TMEM47: variants seen among roughly 807,000 people sequenced by gnomAD.
The protein encoded by TMEM47 is transmembrane protein 47.
A neutral mutation model predicts 12.4 loss-of-function variants in TMEM47; 3 were observed. That is an observed-to-expected ratio of 0.24 (90% CI 0.11 to 0.63). The LOEUF is 0.63. TMEM47 is among the 20% of genes least tolerant of loss of function. The pLI, the probability that TMEM47 is intolerant of heterozygous loss-of-function variation, is 0.86. For synonymous variants in TMEM47, 62 were observed against 63.3 expected (o/e 0.98, Z 0.10); for missense variants, 89 against 143.8 (o/e 0.62, Z 1.95).
In TMEM47 at chrX:34,630,160, G is replaced by T; in HGVS notation, c.*153C>A. 2.0e-6 allele frequency: 1 copy of T among 495,664 alleles called. No homozygotes were observed. The highest frequency in any genetic ancestry group is 3.2e-6 in the Non-Finnish European group (1 of 311,501). 40.8% of individuals were successfully genotyped at this position (495,664 alleles called of 1,213,427 possible). A position where few individuals can be genotyped will look rare whatever the true frequency, so the allele number is the denominator to read the frequency against. On this transcript the variant is annotated 3_prime_UTR_variant, in exon 3 of 3. Coordinates refer to ENST00000275954, the MANE Select transcript of TMEM47 (RefSeq NM_031442.4). ...TAAAATGGATGTAAAAGCTGGTTAT[G>T]ATGTTGACAGCCAAAAGGCAAAAAA...
At chrX:34,641,982 G>A (rs1352054896) in intron 1 of TMEM47, among the ~76,000 whole-genome samples, 3 of 112,381 alleles carry the variant, frequency 2.7e-5, no homozygotes, top group African/African-American at 9.7e-5. Context: ...TCAGCCTCTC[G>A]AGTAGCAGGG....
Position 34,627,698 on chromosome X carries a change from T to G in TMEM47, c.*2615A>C, listed in dbSNP as rs959283500. On this transcript the variant is annotated 3_prime_UTR_variant, in exon 3 of 3. Transcript: ENST00000275954. Reference sequence around the variant, plus strand: ...GTATATATATGTGTGTATATCTATATCTATAGATGTAGATCTATATCCATA... The same window carrying G: ...GTATATATATGTGTGTATATCTATAGCTATAGATGTAGATCTATATCCATA... 15 of 112,232 alleles carry G rather than the reference T, an allele frequency of 1.3e-4. No individual in the cohort carries two copies. Among genetic ancestry groups the G allele is most frequent in the African/African-American group, 4.2e-4 (13 of 30,860 alleles). 9.2% of individuals were successfully genotyped at this position (112,232 alleles called of 1,213,427 possible). A position where few individuals can be genotyped will look rare whatever the true frequency, so the allele number is the denominator to read the frequency against.
chrX:34,640,852 T>A (rs532021790), intron 1 of TMEM47, among the ~76,000 whole-genome samples: 1 of 111,685 alleles, frequency 9.0e-6, no homozygotes, highest in East Asian at 2.8e-4. Context: ...CTTCACAGGC[T>A]CTCAACTAGA....
rs1163977648 is a variant in TMEM47 at position 34,657,084 on chromosome X, G to A, written c.-55C>T. On this transcript the variant is annotated 5_prime_UTR_variant, in exon 1 of 3. Coordinates refer to ENST00000275954, the MANE Select transcript of TMEM47 (RefSeq NM_031442.4). ...GCAGGCGAGGACGCCAGGCGGGTCC[G>A]GAGAGCCGGGAGCCGGACCTCCCGA... 3.7e-6 allele frequency: 4 copies of A among 1,088,496 alleles called. No homozygotes were observed. Among genetic ancestry groups the A allele is most frequent in the East Asian group, 7.1e-5 (2 of 28,279 alleles). 89.7% of individuals were successfully genotyped at this position (1,088,496 alleles called of 1,213,427 possible).
chrX:34,637,336 AAAG>A (rs1921735579), intron 2 of TMEM47, among the ~76,000 whole-genome samples: 1 of 110,917 alleles, frequency 9.0e-6, no homozygotes, highest in Non-Finnish European at 1.9e-5. Context: ...GAGAAAAAAA[AAAG>A]AAGACAAAAT....
intron 1 of TMEM47, among the ~76,000 whole-genome samples, chrX:34,656,257 C>CAAAA (rs1922105007): frequency 8.9e-6 from 1 of 111,748 alleles, no homozygotes; most frequent in Admixed American, 9.5e-5. Flanking sequence ...TCATATCCAT[C>CAAAA]AAAAACGTAA....
At chrX:34,648,069 C>T (rs186710794) in intron 1 of TMEM47, among the ~76,000 whole-genome samples, 243 of 111,814 alleles carry the variant, frequency 2.2e-3, no homozygotes, top group Non-Finnish European at 2.9e-3. Context: ...AATGGGAAAA[C>T]ATTCCATGCT....
At position 34,645,099 on chromosome X, in the gene TMEM47, T is replaced by C. The variant is rs146374838; in HGVS notation, c.227-5712A>G. Among the ~76,000 whole-genome samples the C allele has an allele frequency of 2.5e-3, 281 of 112,127 alleles. 5 individuals carry two copies. In the East Asian group the frequency reaches 0.069, roughly 28 times the overall value. On this transcript the variant is annotated intron_variant, in intron 1 of 2. Coordinates refer to ENST00000275954, the MANE Select transcript of TMEM47 (RefSeq NM_031442.4). ...TTTTCTAAACACTTGTATTCATTTG[T>C]AGGACATATTTATAGCAAAACATTT... is the stretch of plus-strand genomic sequence containing the variant.
intron 2 of TMEM47, among the ~76,000 whole-genome samples, chrX:34,634,470 A>G (rs770841245): frequency 3.2e-5 from 3 of 93,922 alleles, no homozygotes; most frequent in African/African-American, 1.2e-4. Context: ...TGATAAACAT[A>G]TATTGGGTGC....
At chrX:34,643,483 C>A (rs772059167) in intron 1 of TMEM47, among the ~76,000 whole-genome samples, 1 of 111,842 alleles carries the variant, frequency 8.9e-6, no homozygotes, top group Admixed American at 9.5e-5. Context: ...TCATAAAATT[C>A]TCTGTTTCCA....
chrX:34,650,706 C>G (rs1319084223), intron 1 of TMEM47, among the ~76,000 whole-genome samples: 1 of 112,223 alleles, frequency 8.9e-6, no homozygotes, highest in Non-Finnish European at 1.9e-5. Flanking sequence ...AAAATTTTAT[C>G]ATACAACATA....
At position 34,655,784 on chromosome X, in the gene TMEM47, G is replaced by GAGAGAA. The variant is rs371402838; in HGVS notation, c.226+1019_226+1020insTTCTCT. 1.7e-4 allele frequency among the ~76,000 whole-genome samples: 18 copies of GAGAGAA among 108,674 alleles called. No individual in the cohort carries two copies. In the Admixed American group the frequency reaches 1.7e-3, roughly 10 times the overall value. The allele number at this position is 108,674 out of a possible 115,157, so 94.4% of individuals were successfully genotyped here. On this transcript the variant is annotated intron_variant, in intron 1 of 2. Transcript: ENST00000275954. ...TCTGTGTATGTGTGTGTGAGAGAGA[G>GAGAGAA]AGAGAGAAAGAGAGAGAAAGAAAGA... is the stretch of plus-strand genomic sequence containing the variant.
At position 34,630,363 on chromosome X, in the gene TMEM47, C is replaced by T. The variant is rs1200483653; in HGVS notation, c.496G>A (p.Gly166Ser). ...AWGATIFSFG[G>S]AILYCLNPKN... ...GGGTTCAGGCAATAAAGGATGGCACCCCCAAACGAAAATATAGTTGCACCC... is the reference window on the plus strand; with the variant it reads ...GGGTTCAGGCAATAAAGGATGGCACTCCCAAACGAAAATATAGTTGCACCC... The change falls in exon 3 of 3, where the codon GGT (glycine) becomes AGT (serine). Residue 166 changes from glycine to serine, a missense_variant. By Grantham distance (56) the Gly-to-Ser change is moderately conservative. Coordinates refer to ENST00000275954, the MANE Select transcript of TMEM47 (RefSeq NM_031442.4). 8.3e-7 allele frequency: 1 copy of T among 1,209,715 alleles called. No homozygotes were observed.
chrX:34,651,797 T>C (rs1449917548), intron 1 of TMEM47, among the ~76,000 whole-genome samples: 1 of 112,161 alleles, frequency 8.9e-6, no homozygotes, highest in African/African-American at 3.2e-5. Context: ...AAAAGGATAA[T>C]AGTTTTGTGA....
Position 34,648,772 on chromosome X carries a change from G to A in TMEM47, c.226+8032C>T, listed in dbSNP as rs756660133. ...ACAGAGTACACAACCTACAGAATGA[G>A]ACAAAATATTTGCAAGCTATTCATC... On this transcript the variant is annotated intron_variant, in intron 1 of 2. Coordinates refer to ENST00000275954, the MANE Select transcript of TMEM47 (RefSeq NM_031442.4). Among the ~76,000 whole-genome samples, 6 of 111,974 alleles carry A rather than the reference G, an allele frequency of 5.4e-5. No individual in the cohort carries two copies. The East Asian group carries it at 1.7e-3, about 32-fold the overall frequency.
intron 2 of TMEM47, among the ~76,000 whole-genome samples, chrX:34,630,701 TATTA>T (rs759097079): frequency 8.4e-4 from 93 of 110,729 alleles, no homozygotes; most frequent in African/African-American, 2.9e-3. Context: ...AGAATTATCC[TATTA>T]ATTAGTAAAT....
rs1922123480 is a variant in TMEM47 at position 34,656,994 on chromosome X, G to C, written c.36C>G (p.Arg12=). 1 of 1,170,691 alleles carries C rather than the reference G, an allele frequency of 8.5e-7. No homozygotes were observed. The highest frequency in any genetic ancestry group is 1.9e-5 in the South Asian group (1 of 52,461). Residue 12 remains arginine (R), a synonymous_variant, in exon 1 of 3, where the codon CGC becomes CGG. Transcript: ENST00000275954. The part of the protein sequence containing the change: ...ASAGSGMEEV[R]VSVLTPLKLV... ...GCTTCAAGGGGGTCAGCACCGACAC[G>C]CGCACCTCCTCCATGCCGCTGCCCG...
At chrX:34,655,825 C>G (rs934062942) in intron 1 of TMEM47, among the ~76,000 whole-genome samples, 2 of 110,901 alleles carry the variant, frequency 1.8e-5, no homozygotes, top group South Asian at 7.8e-4. Context: ...GCCGGCAGGT[C>G]CTCTCTCTTT....
intron 1 of TMEM47, among the ~76,000 whole-genome samples, chrX:34,648,937 T>C (rs776224500): frequency 8.9e-6 from 1 of 112,034 alleles, no homozygotes; most frequent in African/African-American, 3.2e-5. Context: ...AACAAGCATA[T>C]GCATAAAAAG....
Sources: allele counts gnomAD v4.1 joint callset (sites outside exome capture counted in the v4.1 genomes callset), GRCh38; gene constraint gnomAD v4.1.1; transcripts MANE v1.5; gene names NCBI Gene and HGNC (gene_info 2026-07-23, HGNC 2026-07-21).